The following TEAD4 variants were observed in gnomAD, a reference collection of about 807,000 sequenced individuals.
The protein encoded by TEAD4 is transcriptional enhancer factor TEF-3.
TEAD4 carries 36 observed loss-of-function variants against 52.4 expected under a neutral mutation model. The ratio of observed to expected loss-of-function variants is 0.69; its 90% CI spans 0.53 to 0.91. The LOEUF is 0.91. TEAD4 is among the 40% of genes least tolerant of loss of function. TEAD4 has a pLI of 0.00. For missense variants in TEAD4, 508 were observed against 583.9 expected (o/e 0.87, Z 1.34); for synonymous variants, 220 against 231.0 (o/e 0.95, Z 0.43).
At chr12:3,022,646 G>C (rs536995183) in intron 10 of TEAD4, among the ~76,000 whole-genome samples, 3 of 152,178 alleles carry the variant, frequency 2.0e-5, no homozygotes, top group Non-Finnish European at 4.4e-5. Flanking sequence ...CCATTGAAAC[G>C]TCTTGTCTGA....
At chr12:2,969,144 C>T (rs560012587) in intron 2 of TEAD4, among the ~76,000 whole-genome samples, 2 of 152,328 alleles carry the variant, frequency 1.3e-5, no homozygotes, top group South Asian at 4.1e-4. Flanking sequence ...CTGTAGGTTC[C>T]ACATGGATTC....
intron 3 of TEAD4, among the ~76,000 whole-genome samples, chr12:2,999,232 ACCCCAGCCCCATTCTGAGC>A (rs2098249689): frequency 6.6e-6 from 1 of 151,402 alleles, no homozygotes; most frequent in South Asian, 2.1e-4. Context: ...TCCTCTGTGT[ACCCCAGCCCCATTCTGAGC>A]CCCCAGCTGC....
intron 2 of TEAD4, among the ~76,000 whole-genome samples, chr12:2,986,325 TAGA>T (rs1361797817): frequency 6.6e-6 from 1 of 151,468 alleles, no homozygotes; most frequent in Non-Finnish European, 1.5e-5. Flanking sequence ...TTTTTACAAG[TAGA>T]AGGAGTACAC....
intron 2 of TEAD4, among the ~76,000 whole-genome samples, chr12:2,969,971 G>T (rs1255278513): frequency 6.6e-6 from 1 of 152,096 alleles, no homozygotes; most frequent in African/African-American, 2.4e-5. Flanking sequence ...TTTGCCCATG[G>T]TCCCAGTTAC....
chr12:2,980,689 C>T (rs989715911), intron 2 of TEAD4, among the ~76,000 whole-genome samples: 1 of 151,834 alleles, frequency 6.6e-6, no homozygotes, highest in Admixed American at 6.6e-5. Flanking sequence ...GTCCATATCG[C>T]TCCACTGTAC....
At chr12:2,984,127 G>A (rs1051772525) in intron 2 of TEAD4, among the ~76,000 whole-genome samples, 2 of 152,176 alleles carry the variant, frequency 1.3e-5, no homozygotes. Context: ...GCTGAGTTTG[G>A]GGCTTGGAGG....
Position 3,022,008 on chromosome 12 carries a change from G to A in TEAD4, c.888G>A (p.Val296=), listed in dbSNP as rs768940793. 6.2e-7 allele frequency: 1 copy of A among 1,614,132 alleles called. No individual in the cohort carries two copies. The highest frequency in any genetic ancestry group is 1.1e-5 in the South Asian group (1 of 91,086). ...GACCCTCCAATGCCTTTTTTCTTGT[G>A]AAGTTCTGGGTAAGCCTGTGATAAC... The change falls in exon 10 of 13, where the codon GTG becomes GTA. Residue 296 remains valine, a synonymous_variant. Coordinates refer to ENST00000359864, the MANE Select transcript of TEAD4 (RefSeq NM_003213.4).
At chr12:3,038,983 T>C (rs944173126) in intron 11 of TEAD4, among the ~76,000 whole-genome samples, 1 of 152,190 alleles carries the variant, frequency 6.6e-6, no homozygotes, top group Non-Finnish European at 1.5e-5. Context: ...AGGCCAGTCT[T>C]CGTCCCTCTC....
At chr12:3,038,874 AG>A (rs1218863310) in intron 11 of TEAD4, among the ~76,000 whole-genome samples, 1 of 152,216 alleles carries the variant, frequency 6.6e-6, no homozygotes, top group Admixed American at 6.5e-5. Flanking sequence ...GGCAGTGACA[AG>A]GAGCTGGGAC....
At chr12:2,965,907 G>C (rs180791662) in intron 2 of TEAD4, among the ~76,000 whole-genome samples, 8 of 151,990 alleles carry the variant, frequency 5.3e-5, no homozygotes, top group Admixed American at 1.3e-4. Flanking sequence ...TGTCACCCAG[G>C]ATGGAGTGCA....
intron 8 of TEAD4, among the ~76,000 whole-genome samples, chr12:3,020,280 C>A (rs2098267728): frequency 6.6e-6 from 1 of 152,360 alleles, no homozygotes; most frequent in Admixed American, 6.5e-5. Flanking sequence ...ATTTCCCCGA[C>A]TGGAACAGAA....
chr12:3,027,366 T>C (rs917480296), intron 10 of TEAD4, among the ~76,000 whole-genome samples: 3 of 152,222 alleles, frequency 2.0e-5, no homozygotes, highest in Non-Finnish European at 4.4e-5. Context: ...TGTCTTTAGT[T>C]CTTAGCTGCC....
chr12:3,010,823 C>G (rs557401364), intron 3 of TEAD4, among the ~76,000 whole-genome samples, 181 bp from the exon 4 acceptor site: 10 of 152,306 alleles, frequency 6.6e-5, no homozygotes, highest in African/African-American at 2.4e-4. Flanking sequence ...TTGTCTTCCT[C>G]TCGCTGCTGG....
intron 11 of TEAD4, 118 bp from the exon 12 acceptor site, chr12:3,039,989 G>A (rs1565556261): frequency 3.6e-6 from 5 of 1,386,030 alleles, no homozygotes; most frequent in Middle Eastern, 1.9e-4. Context: ...CCCTGGCTGG[G>A]GGTGACTCTT....
At chr12:3,002,129 T>A (rs1690748638) in intron 3 of TEAD4, among the ~76,000 whole-genome samples, 1 of 152,202 alleles carries the variant, frequency 6.6e-6, no homozygotes. Context: ...TTTCCCCTTT[T>A]ATGTCTGGCT....
At chr12:2,964,670 C>A (rs1376331570) in intron 2 of TEAD4, among the ~76,000 whole-genome samples, 2 of 144,914 alleles carry the variant, frequency 1.4e-5, no homozygotes, top group East Asian at 4.0e-4. Flanking sequence ...CAGGGTATTT[C>A]CATGTTGGCC....
chr12:3,018,608 T>G lies in TEAD4; in HGVS notation c.527+20T>G. 1 of 1,614,002 alleles carries G rather than the reference T, an allele frequency of 6.2e-7. No homozygotes were observed. Among genetic ancestry groups the G allele is most frequent in the Non-Finnish European group, 8.5e-7 (1 of 1,179,918 alleles). ...CCATGAGTGAGTATGGCCTCTGGTT[T>G]CTCTTGCCAGTTGCTCCCTGAACTG... On this transcript the variant is annotated intron_variant, in intron 7 of 12. Transcript: ENST00000359864.
At chr12:2,965,665 C>T (rs2098219619) in intron 2 of TEAD4, among the ~76,000 whole-genome samples, 2 of 152,000 alleles carry the variant, frequency 1.3e-5, no homozygotes, top group African/African-American at 2.4e-5. Context: ...CATTCTCCTG[C>T]CTCAGCCTCC....
chr12:2,981,223 G>A (rs915867813), intron 2 of TEAD4, among the ~76,000 whole-genome samples: 2 of 152,202 alleles, frequency 1.3e-5, no homozygotes, highest in African/African-American at 4.8e-5. Context: ...CGTCCTGCAG[G>A]GTCGCCTGCC....
Sources: allele counts gnomAD v4.1 joint callset (sites outside exome capture counted in the v4.1 genomes callset), GRCh38; gene constraint gnomAD v4.1.1; transcripts MANE v1.5; gene names NCBI Gene and HGNC (gene_info 2026-07-23, HGNC 2026-07-21).